Variants in FRMPD1 observed in about 807,000 individuals in gnomAD.
FRMPD1 encodes FERM and PDZ domain containing 1.
FRMPD1 carries 76 observed loss-of-function variants against 117.8 expected under a neutral mutation model. The ratio of observed to expected loss-of-function variants is 0.65; its 90% CI spans 0.54 to 0.78. The LOEUF (loss-of-function observed/expected upper bound fraction) is 0.78. Ranked by LOEUF, FRMPD1 falls within the 30% of genes least tolerant of loss-of-function variation. The probability of loss-of-function intolerance (pLI) is 0.00; values close to 1 mark genes in which losing one functional copy is unlikely to be tolerated. For missense variants in FRMPD1, 1,786 were observed against 1,964.5 expected, an observed-to-expected ratio of 0.91 and a Z score of 1.72; for synonymous variants, 783 against 770.4, an observed-to-expected ratio of 1.02 and a Z score of -0.27.
Position 37,692,675 on chromosome 9 carries a change from CG to C in FRMPD1, c.36del (p.Ala14HisfsTer4), listed in dbSNP as rs751571227. The C allele has an allele frequency of 7.4e-6, 12 of 1,613,630 alleles. No homozygotes were observed. The highest frequency in any genetic ancestry group is 9.3e-6 in the Non-Finnish European group (11 of 1,179,684). On this transcript the variant is annotated frameshift_variant, in exon 2 of 16. Coordinates refer to ENST00000377765, the MANE Select transcript of FRMPD1 (RefSeq NM_014907.3). LOFTEE classifies it high-confidence loss of function. ...EELETSLFQT[R>X]KAHRIEQMVA... is the part of the protein sequence containing the mutation. ...GCTGGAGACCAGTTTATTCCAGACA[CG>C]GAAAGCACATAGAATAGAACAAATG...
At position 37,745,570 on chromosome 9, in the gene FRMPD1, G is replaced by C; in HGVS notation, c.3538G>C (p.Asp1180His). 6.2e-7 allele frequency: 1 copy of C among 1,614,104 alleles called. No homozygotes were observed. The highest frequency in any genetic ancestry group is 8.5e-7 in the Non-Finnish European group (1 of 1,179,998). ...GCAGATCCCACCACATCCCCCTAGA[G>C]ACCCTCAAGGACAGAGCAGAGAACC... is the stretch of plus-strand genomic sequence containing the variant. ...TEQIPPHPPR[D>H]PQGQSREPPG... Residue 1180 changes from aspartate to histidine, a missense_variant, in exon 16 of 16, where the codon GAC becomes CAC. Transcript: ENST00000377765.
chr9:37,656,799 A>G (rs1415022216), intron 1 of FRMPD1, among the ~76,000 whole-genome samples: 1 of 152,160 alleles, frequency 6.6e-6, no homozygotes, highest in East Asian at 1.9e-4. Context: ...ATTAAGTGAC[A>G]CAGTGTTTTC....
At chr9:37,685,946 G>A (rs1056602006) in intron 1 of FRMPD1, among the ~76,000 whole-genome samples, 2 of 152,040 alleles carry the variant, frequency 1.3e-5, no homozygotes, top group Admixed American at 1.3e-4. Flanking sequence ...CCTTTTGAAG[G>A]GTTTATAACC....
upstream of FRMPD1, among the ~76,000 whole-genome samples, chr9:37,650,091 G>C (rs1369693195): frequency 6.6e-6 from 1 of 152,212 alleles, no homozygotes; most frequent in Non-Finnish European, 1.5e-5. Flanking sequence ...GTCCTAGACT[G>C]TACATTCCAT....
At chr9:37,707,388 T>C (rs759771040) in intron 2 of FRMPD1, 28 bp from the exon 3 acceptor site, 109 of 1,607,270 alleles carry the variant, frequency 6.8e-5, no homozygotes, top group Non-Finnish European at 8.9e-5. Flanking sequence ...CTTCTCTTTC[T>C]CTTTTTTACA....
intron 12 of FRMPD1, among the ~76,000 whole-genome samples, chr9:37,734,480 G>C (rs1379738333): frequency 1.3e-5 from 2 of 151,876 alleles, no homozygotes; most frequent in South Asian, 2.1e-4. Context: ...CCTAGGCCTA[G>C]AGCTTGTGCC....
intron 8 of FRMPD1, among the ~76,000 whole-genome samples, 169 bp downstream of exon 8, chr9:37,730,022 G>A (rs189280685): frequency 6.6e-6 from 1 of 152,302 alleles, no homozygotes; most frequent in East Asian, 1.9e-4. Flanking sequence ...ACAAGAATCA[G>A]CCTGATTTTC....
At chr9:37,696,733 G>A (rs967885460) in intron 2 of FRMPD1, among the ~76,000 whole-genome samples, 6 of 152,204 alleles carry the variant, frequency 3.9e-5, no homozygotes, top group Non-Finnish European at 8.8e-5. Flanking sequence ...CTATAGTGCA[G>A]AAGGAAGAAA....
At chr9:37,716,722 G>T (rs1588952304) in intron 5 of FRMPD1, among the ~76,000 whole-genome samples, 1 of 152,116 alleles carries the variant, frequency 6.6e-6, no homozygotes, top group Non-Finnish European at 1.5e-5. Context: ...ACTTTATCTT[G>T]TTCCCTGCAG....
the FRMPD1 span, chr9:37,636,941 A>G: frequency 2.5e-6 from 4 of 1,606,762 alleles, no homozygotes; most frequent in Non-Finnish European, 3.4e-6. Context: ...GTTGCCCACC[A>G]GGAGCTTATT....
intron 6 of FRMPD1, among the ~76,000 whole-genome samples, chr9:37,720,134 A>G (rs1369927512): frequency 6.6e-6 from 1 of 152,204 alleles, no homozygotes; most frequent in Non-Finnish European, 1.5e-5. Flanking sequence ...CTGCTACTTA[A>G]TAGAGCACAC....
chr9:37,605,688 T>G, the FRMPD1 span, among the ~76,000 whole-genome samples: 2 of 148,348 alleles, frequency 1.3e-5, no homozygotes, highest in African/African-American at 2.5e-5. Context: ...AGAATTTTAT[T>G]TATTTATTTA....
chr9:37,707,659 C>T, intron 3 of FRMPD1, 86 bp downstream of exon 3: 3 of 1,121,566 alleles, frequency 2.7e-6, no homozygotes, highest in South Asian at 3.0e-5. Context: ...TATCCTATAA[C>T]AAAATGCAGA....
At chr9:37,695,168 T>C (rs553139150) in intron 2 of FRMPD1, among the ~76,000 whole-genome samples, 1 of 152,208 alleles carries the variant, frequency 6.6e-6, no homozygotes, top group East Asian at 1.9e-4. Flanking sequence ...CCTGAGTATA[T>C]ACTTAGGAGT....
chr9:37,615,203 C>G, the FRMPD1 span, among the ~76,000 whole-genome samples: 1 of 152,110 alleles, frequency 6.6e-6, no homozygotes. Context: ...ACCTCCACTT[C>G]CCAGGCTCAA....
At chr9:37,642,676 G>A in the FRMPD1 span, among the ~76,000 whole-genome samples, 3 of 152,120 alleles carry the variant, frequency 2.0e-5, no homozygotes, top group Non-Finnish European at 4.4e-5. Flanking sequence ...ACATTGCCTG[G>A]AAGCTCATGA....
In FRMPD1 at chr9:37,708,688, A is replaced by G. The variant is rs1822802610; in HGVS notation, c.362+187A>G. ...TTCTTGTTAGTGGCTGTTACAGTCCACTCTCTCTCACTTGCCTACAAAAGA... is the reference window on the plus strand; with the variant it reads ...TTCTTGTTAGTGGCTGTTACAGTCCGCTCTCTCTCACTTGCCTACAAAAGA... On this transcript the variant is annotated intron_variant, in intron 4 of 15. Transcript: ENST00000377765. 2.0e-5 allele frequency among the ~76,000 whole-genome samples: 3 copies of G among 151,998 alleles called. No individual in the cohort carries two copies. The South Asian group carries it at 6.2e-4, about 32-fold the overall frequency.
At chr9:37,703,928 C>A (rs1052195292) in intron 2 of FRMPD1, among the ~76,000 whole-genome samples, 2 of 152,152 alleles carry the variant, frequency 1.3e-5, no homozygotes, top group Non-Finnish European at 2.9e-5. Context: ...CGAGTTGTTT[C>A]CACTTTTGGA....
At chr9:37,695,716 C>A (rs7033961) in intron 2 of FRMPD1, among the ~76,000 whole-genome samples, 2 of 151,894 alleles carry the variant, frequency 1.3e-5, no homozygotes, top group African/African-American at 4.8e-5. Flanking sequence ...ATCATCCTGA[C>A]TCCTTGAATC....
Sources: allele counts gnomAD v4.1 joint callset (sites outside exome capture counted in the v4.1 genomes callset), GRCh38; gene constraint gnomAD v4.1.1; transcripts MANE v1.5; gene names NCBI Gene and HGNC (gene_info 2026-07-23, HGNC 2026-07-21).